ZFHX4: variants seen among roughly 807,000 people sequenced by gnomAD.
ZFHX4 encodes the protein zinc finger homeobox protein 4.
ZFHX4 carries 56 observed loss-of-function variants against 267.6 expected under a neutral mutation model. The observed-to-expected ratio is 0.21, with a 90% CI of 0.17 to 0.26. The LOEUF (loss-of-function observed/expected upper bound fraction) is 0.26. Among genes scored for constraint, ZFHX4 ranks in the 10% least tolerant of loss-of-function variants. ZFHX4 has a pLI of 1.00. For missense variants in ZFHX4, 4,332 were observed against 4,420.0 expected, an observed-to-expected ratio of 0.98 and a Z score of 0.56; for synonymous variants, 1,778 against 1,665.6, an observed-to-expected ratio of 1.07 and a Z score of -1.64.
intron 3 of ZFHX4, among the ~76,000 whole-genome samples, chr8:76,708,882 G>T (rs1808349121): frequency 6.6e-6 from 1 of 152,096 alleles, no homozygotes; most frequent in Non-Finnish European, 1.5e-5. Flanking sequence ...TCATTACTAT[G>T]ATGAATAACT....
intron 3 of ZFHX4, among the ~76,000 whole-genome samples, chr8:76,717,058 C>G (rs1320925970): frequency 2.0e-5 from 3 of 152,136 alleles, no homozygotes; most frequent in Non-Finnish European, 1.5e-5. Context: ...ACAAGAACAA[C>G]TGAAGCACAA....
At chr8:76,694,300 T>C (rs1292755480) in intron 1 of ZFHX4, among the ~76,000 whole-genome samples, 6 of 152,210 alleles carry the variant, frequency 3.9e-5, no homozygotes, top group African/African-American at 1.4e-4. Flanking sequence ...CTCTTTCTAA[T>C]TGAAGAATAC....
rs1187173539 is a variant in ZFHX4, at chr8:76,712,487, G to T, written c.3093+4439G>T. On this transcript the variant is annotated intron_variant, in intron 3 of 10. Coordinates refer to ENST00000651372, the MANE Select transcript of ZFHX4 (RefSeq NM_024721.5). ...TTTCAATAGGCCTGAATCCAACTTT[G>T]CAATTTAAAATCAAATATACGAGAT... Among the ~76,000 whole-genome samples, 8 of 151,396 alleles carry T rather than the reference G, an allele frequency of 5.3e-5. No individual in the cohort carries two copies. The East Asian group carries it at 1.4e-3, about 26-fold the overall frequency.
intron 4 of ZFHX4, among the ~76,000 whole-genome samples, chr8:76,812,120 G>A (rs1193727138): frequency 6.6e-6 from 1 of 152,118 alleles, no homozygotes; most frequent in African/African-American, 2.4e-5. Context: ...ATTGCATTAA[G>A]TAAAAAACAT....
rs546784843 is a variant in ZFHX4 at position 76,851,833 on chromosome 8, A to G, written c.4912A>G (p.Ile1638Val). ...TGGTCATGTGGCTGGTGGGCACAGC[A>G]TTGCAGCAAATGTCAACAGCCCTGG... is the stretch of plus-strand genomic sequence containing the variant. ...PSGHVAGGHS[I>V]AANVNSPGQG... Residue 1638 changes from isoleucine (I) to valine (V), a missense_variant, in exon 10 of 11, where the codon ATT (isoleucine) becomes GTT (valine). Physicochemically the swap from Ile to Val is conservative, Grantham distance 29. Coordinates refer to ENST00000651372, the MANE Select transcript of ZFHX4 (RefSeq NM_024721.5). 6.6e-5 allele frequency: 106 copies of G among 1,613,964 alleles called. No individual in the cohort carries two copies. Among genetic ancestry groups the G allele is most frequent in the Non-Finnish European group, 8.8e-5 (104 of 1,179,864 alleles).
chr8:76,849,556 T>G lies in ZFHX4; in HGVS notation c.3690T>G (p.Ser1230Arg). 6.2e-7 allele frequency: 1 copy of G among 1,614,004 alleles called. No individual in the cohort carries two copies. Among genetic ancestry groups the G allele is most frequent in the African/African-American group, 1.3e-5 (1 of 75,050 alleles). Residue 1230 changes from serine (S) to arginine (R), a missense_variant, in exon 8 of 11, where the codon AGT (serine) becomes AGG (arginine). Physicochemically the swap from Ser to Arg is moderately radical, Grantham distance 110 (BLOSUM62 -1). Transcript: ENST00000651372. ...PYCNYNSRDQSRIQMHVLSQH... is the reference protein window; with the variant it reads ...PYCNYNSRDQRRIQMHVLSQH... Reference sequence around the variant, plus strand: ...GTAACTACAATAGTAGGGACCAAAGTCGTATCCAGATGCACGTCCTATCAC... The same window carrying G: ...GTAACTACAATAGTAGGGACCAAAGGCGTATCCAGATGCACGTCCTATCAC...
intron 3 of ZFHX4, among the ~76,000 whole-genome samples, chr8:76,721,531 T>A (rs1328465930): frequency 6.6e-6 from 1 of 152,212 alleles, no homozygotes; most frequent in Non-Finnish European, 1.5e-5. Context: ...ATACTTTTTC[T>A]CTGTGCTTTA....
At chr8:76,715,506 A>AAG (rs1226851674) in intron 3 of ZFHX4, among the ~76,000 whole-genome samples, 15 of 149,898 alleles carry the variant, frequency 1.0e-4, no homozygotes, top group Non-Finnish European at 3.0e-5. Flanking sequence ...AAAAAAAAAA[A>AAG]AAGAAATGCA....
At chr8:76,760,516 G>A (rs1187722261) in intron 3 of ZFHX4, among the ~76,000 whole-genome samples, 12 of 152,132 alleles carry the variant, frequency 7.9e-5, no homozygotes, top group Admixed American at 6.5e-4. Flanking sequence ...ATTATGATAC[G>A]TCCTGTGAAA....
chr8:76,819,779 T>A (rs534681633), intron 4 of ZFHX4, among the ~76,000 whole-genome samples: 14 of 152,306 alleles, frequency 9.2e-5, no homozygotes, highest in African/African-American at 3.1e-4. Context: ...CCTATTACAT[T>A]CTAATTTTGT....
intron 5 of ZFHX4, among the ~76,000 whole-genome samples, chr8:76,835,434 C>T (rs1358156990): frequency 6.6e-6 from 1 of 151,288 alleles, no homozygotes; most frequent in East Asian, 1.9e-4. Context: ...GGAATAATAA[C>T]CTGCTATATA....
intron 3 of ZFHX4, 176 bp downstream of exon 3, chr8:76,708,224 G>C: frequency 1.2e-6 from 1 of 803,718 alleles, no homozygotes; most frequent in East Asian, 2.7e-5. Context: ...GGAATTGAAG[G>C]CTTTATTTAT....
chr8:76,827,656 A>T (rs903793690), intron 4 of ZFHX4, among the ~76,000 whole-genome samples: 3 of 152,348 alleles, frequency 2.0e-5, no homozygotes, highest in East Asian at 3.9e-4. Flanking sequence ...TAATTTATTG[A>T]AACTAATTTA....
At chr8:76,718,411 T>C (rs1229685398) in intron 3 of ZFHX4, among the ~76,000 whole-genome samples, 1 of 152,104 alleles carries the variant, frequency 6.6e-6, no homozygotes, top group Non-Finnish European at 1.5e-5. Flanking sequence ...CAATTTCTGG[T>C]TTATTATTTT....
intron 4 of ZFHX4, among the ~76,000 whole-genome samples, chr8:76,781,024 G>A (rs1034558914): frequency 3.3e-5 from 5 of 152,036 alleles, no homozygotes; most frequent in African/African-American, 9.7e-5. Context: ...CATCAGATAC[G>A]TGCATGGGCC....
intron 3 of ZFHX4, among the ~76,000 whole-genome samples, chr8:76,727,563 A>T (rs1808885372): frequency 6.6e-6 from 1 of 152,186 alleles, no homozygotes; most frequent in Admixed American, 6.5e-5. Context: ...CAAGTAGCAC[A>T]GAAACTTTAG....
chr8:76,818,529 G>T (rs1048947947), intron 4 of ZFHX4, among the ~76,000 whole-genome samples: 4 of 152,160 alleles, frequency 2.6e-5, no homozygotes, highest in Non-Finnish European at 5.9e-5. Context: ...GAAGCAAGAG[G>T]ACCTGGAGGC....
chr8:76,691,386 G>A (rs528403210), intron 1 of ZFHX4, among the ~76,000 whole-genome samples: 7 of 152,100 alleles, frequency 4.6e-5, no homozygotes, highest in Non-Finnish European at 8.8e-5. Context: ...TCATAAACAT[G>A]GTGTGAACAA....
chr8:76,804,926 T>C (rs1487132325), intron 4 of ZFHX4, among the ~76,000 whole-genome samples: 1 of 152,060 alleles, frequency 6.6e-6, no homozygotes, highest in Non-Finnish European at 1.5e-5. Flanking sequence ...GAGATTTGTC[T>C]TACAAAACCC....
Sources: allele counts gnomAD v4.1 joint callset (sites outside exome capture counted in the v4.1 genomes callset), GRCh38; gene constraint gnomAD v4.1.1; transcripts MANE v1.5; gene names NCBI Gene and HGNC (gene_info 2026-07-23, HGNC 2026-07-21).